Variants in CUL1 observed in about 807,000 individuals in gnomAD.
CUL1 encodes the protein cullin 1, also known as cullin-1.
Under a neutral mutation model 118.0 loss-of-function variants are expected in CUL1, and 24 were observed. The ratio of observed to expected loss-of-function variants is 0.20; its 90% CI spans 0.15 to 0.29. CUL1 has a LOEUF of 0.29. CUL1 is among the 10% of genes least tolerant of loss of function. CUL1 has a pLI of 1.00. For synonymous variants in CUL1, 332 were observed against 340.4 expected, an observed-to-expected ratio of 0.98 and a Z score of 0.27; for missense variants, 361 against 933.8, an observed-to-expected ratio of 0.39 and a Z score of 7.99.
intron 1 of CUL1, among the ~76,000 whole-genome samples, chr7:148,705,605 G>C (rs919961273): frequency 6.6e-6 from 1 of 152,116 alleles, no homozygotes; most frequent in Non-Finnish European, 1.5e-5. Context: ...AAGTCAGAAC[G>C]GGGGAAAAAG....
At chr7:148,769,909 C>T (rs1584803821) in intron 9 of CUL1, among the ~76,000 whole-genome samples, 1 of 152,224 alleles carries the variant, frequency 6.6e-6, no homozygotes, top group East Asian at 1.9e-4. Flanking sequence ...ATTACTTTTT[C>T]AGTTTTATAG....
At chr7:148,714,481 CTCCCCA>C (rs1193859083) in intron 1 of CUL1, among the ~76,000 whole-genome samples, 1 of 152,202 alleles carries the variant, frequency 6.6e-6, no homozygotes, top group Non-Finnish European at 1.5e-5. Flanking sequence ...TGACCAGTAT[CTCCCCA>C]TCCCCCTCCT....
chr7:148,735,559 A>G (rs551904409), intron 2 of CUL1, among the ~76,000 whole-genome samples: 3 of 152,382 alleles, frequency 2.0e-5, no homozygotes, highest in South Asian at 4.1e-4. Flanking sequence ...ATTGTCTTCA[A>G]AGTAGATTAA....
intron 7 of CUL1, among the ~76,000 whole-genome samples, chr7:148,762,158 G>A (rs1799851165): frequency 6.6e-6 from 1 of 152,160 alleles, no homozygotes; most frequent in African/African-American, 2.4e-5. Context: ...ACACCTGCTT[G>A]CCCTGTATTC....
chr7:148,730,418 TAGA>T (rs1798722404), intron 2 of CUL1, among the ~76,000 whole-genome samples, 156 bp downstream of exon 2: 1 of 152,192 alleles, frequency 6.6e-6, no homozygotes, highest in East Asian at 1.9e-4. Flanking sequence ...TTGAACAGAG[TAGA>T]ACTGGTTCAT....
chr7:148,743,339 T>A (rs903463897), intron 2 of CUL1, among the ~76,000 whole-genome samples: 1 of 152,192 alleles, frequency 6.6e-6, no homozygotes, highest in African/African-American at 2.4e-5. Flanking sequence ...TGTGATATTG[T>A]CCTGTTGGTA....
chr7:148,743,261 G>A (rs1303886869), intron 2 of CUL1, among the ~76,000 whole-genome samples: 1 of 152,216 alleles, frequency 6.6e-6, no homozygotes, highest in Non-Finnish European at 1.5e-5. Context: ...TGTAGATGGT[G>A]ATGTGCTGGA....
At chr7:148,763,642 G>A (rs961647308) in intron 7 of CUL1, among the ~76,000 whole-genome samples, 7 of 152,138 alleles carry the variant, frequency 4.6e-5, no homozygotes, top group African/African-American at 1.7e-4. Flanking sequence ...TTGTTAAAAG[G>A]TGCTTAGATT....
intron 2 of CUL1, among the ~76,000 whole-genome samples, chr7:148,737,604 T>G (rs138354155): frequency 9.4e-5 from 14 of 149,608 alleles, no homozygotes; most frequent in African/African-American, 2.9e-4. Context: ...ATTTATTTAT[T>G]TATTTATTTA....
intron 1 of CUL1, among the ~76,000 whole-genome samples, chr7:148,721,335 C>G (rs1036415380): frequency 6.6e-6 from 1 of 152,166 alleles, no homozygotes; most frequent in Non-Finnish European, 1.5e-5. Flanking sequence ...TTTTAATTGC[C>G]TGCCCCTCAC....
At chr7:148,752,897 C>T (rs1396582525) in intron 2 of CUL1, among the ~76,000 whole-genome samples, 4 of 152,240 alleles carry the variant, frequency 2.6e-5, no homozygotes, top group African/African-American at 9.6e-5. Context: ...TGTGATCCAC[C>T]TGTCTCGGCC....
intron 1 of CUL1, among the ~76,000 whole-genome samples, chr7:148,709,547 A>T (rs2129458992): frequency 6.6e-6 from 1 of 152,350 alleles, no homozygotes; most frequent in African/African-American, 2.4e-5. Flanking sequence ...TTCAACTGGG[A>T]ACATGCATTT....
chr7:148,757,904 G>T (rs933249351), intron 4 of CUL1, among the ~76,000 whole-genome samples: 3 of 152,184 alleles, frequency 2.0e-5, no homozygotes, highest in African/African-American at 7.2e-5. Context: ...AACAGTATGG[G>T]GGAACCACCC....
At chr7:148,719,330 T>A (rs186993244) in intron 1 of CUL1, among the ~76,000 whole-genome samples, 1 of 152,110 alleles carries the variant, frequency 6.6e-6, no homozygotes, top group Admixed American at 6.5e-5. Flanking sequence ...ATAAAATAAC[T>A]TAGCTACTGT....
chr7:148,751,676 G>T (rs1799496954), intron 2 of CUL1, among the ~76,000 whole-genome samples: 1 of 151,834 alleles, frequency 6.6e-6, no homozygotes, highest in African/African-American at 2.4e-5. Flanking sequence ...CTGCCAAAAG[G>T]ACTATTAGCA....
At chr7:148,756,871 C>A (rs985573271) in intron 3 of CUL1, 112 bp from the exon 4 acceptor site, 1 of 612,400 alleles carries the variant, frequency 1.6e-6, no homozygotes, top group Admixed American at 3.4e-5. Context: ...AAGAAGCCAT[C>A]TAAAATCACA....
chr7:148,789,386 A>C, intron 14 of CUL1, among the ~76,000 whole-genome samples: 1 of 152,002 alleles, frequency 6.6e-6, no homozygotes, highest in African/African-American at 2.4e-5. Flanking sequence ...AGTTTGCATG[A>C]GTCTGGGGCT....
intron 1 of CUL1, among the ~76,000 whole-genome samples, chr7:148,725,219 G>GCGCGCGCGCGCACACA: frequency 1.3e-4 from 18 of 140,150 alleles, no homozygotes; most frequent in Non-Finnish European, 2.6e-4. Flanking sequence ...ACACGCGCGC[G>GCGCGCGCGCGCACACA]CTCACACACA....
intron 9 of CUL1, among the ~76,000 whole-genome samples, chr7:148,782,920 C>CGCA (rs1335516102): frequency 5.9e-5 from 9 of 151,556 alleles, no homozygotes; most frequent in Admixed American, 5.2e-4. Flanking sequence ...CGGGCTCCCT[C>CGCA]GCAGCCCGGA....
Sources: allele counts gnomAD v4.1 joint callset (sites outside exome capture counted in the v4.1 genomes callset), GRCh38; gene constraint gnomAD v4.1.1; transcripts MANE v1.5; gene names NCBI Gene and HGNC (gene_info 2026-07-23, HGNC 2026-07-21).